Variants in MIGA1 observed in about 807,000 individuals in gnomAD.
The protein encoded by MIGA1 is family with sequence similarity 73, member A.
MIGA1 carries 58 observed loss-of-function variants against 82.0 expected under a neutral mutation model. The observed-to-expected ratio is 0.71, with a 90% confidence interval of 0.57 to 0.88. MIGA1 has a LOEUF of 0.88. Among genes scored for constraint, MIGA1 ranks in the 40% least tolerant of loss-of-function variants. MIGA1 has a pLI of 0.00. For synonymous variants in MIGA1, 249 were observed against 253.6 expected (o/e 0.98, Z 0.17); for missense variants, 751 against 749.1 (o/e 1.00, Z -0.03).
chr1:77,831,323 A>G (rs1684237280), intron 7 of MIGA1, among the ~76,000 whole-genome samples: 1 of 152,188 alleles, frequency 6.6e-6, no homozygotes, highest in Non-Finnish European at 1.5e-5. Context: ...TAAACAAGTA[A>G]TTTTGTAAGC....
intron 7 of MIGA1, among the ~76,000 whole-genome samples, chr1:77,830,060 T>C (rs1684186237): frequency 6.6e-6 from 1 of 152,146 alleles, no homozygotes; most frequent in Non-Finnish European, 1.5e-5. Flanking sequence ...ACTGTGGGGC[T>C]TTTTGAGACT....
At chr1:77,827,245 C>T (rs1332507929) in intron 7 of MIGA1, among the ~76,000 whole-genome samples, 1 of 152,040 alleles carries the variant, frequency 6.6e-6, no homozygotes, top group Non-Finnish European at 1.5e-5. Flanking sequence ...CTGACCTAAA[C>T]TTTTTTTCTT....
chr1:77,861,442 A>T, intron 12 of MIGA1, 120 bp downstream of exon 12: 1 of 671,402 alleles, frequency 1.5e-6, no homozygotes, highest in South Asian at 2.0e-5. Flanking sequence ...GTTGTGGGAC[A>T]TCTTTTTTTC....
intron 7 of MIGA1, among the ~76,000 whole-genome samples, chr1:77,839,305 A>AT (rs951375992): frequency 1.8e-3 from 251 of 142,932 alleles, no homozygotes; most frequent in East Asian, 1.2e-3. Context: ...TGGTTTTAGG[A>AT]TTTTTTTTTT....
At chr1:77,813,652 G>A (rs1683451073) in intron 5 of MIGA1, 82 bp from the exon 6 acceptor site, 1 of 1,438,092 alleles carries the variant, frequency 7.0e-7, no homozygotes, top group Non-Finnish European at 9.7e-7. Context: ...CAGTGATAAT[G>A]TATGAAAACA....
Position 77,872,927 on chromosome 1 carries a change from C to A in MIGA1, c.1564-77C>A, listed in dbSNP as rs543015316. 2.5e-6 allele frequency: 4 copies of A among 1,571,840 alleles called. No homozygotes were observed. In the South Asian group the frequency reaches 4.5e-5, roughly 18 times the overall value. On this transcript the variant is annotated intron_variant, in intron 14 of 15. Transcript: ENST00000370791. ...CTCCCACTGGTCATATAATGAATAG[C>A]AACTTCAGTTTCTGTACTAGAGAAA... is the stretch of plus-strand genomic sequence containing the variant.
intron 8 of MIGA1, among the ~76,000 whole-genome samples, chr1:77,845,012 A>G (rs1684784040): frequency 6.6e-6 from 1 of 152,166 alleles, no homozygotes. Context: ...AGTATTACAC[A>G]TCTATAACTG....
intron 2 of MIGA1, among the ~76,000 whole-genome samples, chr1:77,799,539 A>T (rs1031932652): frequency 1.3e-5 from 2 of 152,178 alleles, no homozygotes; most frequent in Non-Finnish European, 2.9e-5. Context: ...ACGTATCCTC[A>T]TTGTGAAATT....
At chr1:77,788,531 C>G (rs1014297842) in intron 2 of MIGA1, among the ~76,000 whole-genome samples, 1 of 151,742 alleles carries the variant, frequency 6.6e-6, no homozygotes, top group African/African-American at 2.4e-5. Flanking sequence ...TTTTTTGTTG[C>G]CTGTGTCTTC....
intron 5 of MIGA1, among the ~76,000 whole-genome samples, chr1:77,809,422 T>G (rs1683229529): frequency 6.6e-6 from 1 of 152,150 alleles, no homozygotes; most frequent in African/African-American, 2.4e-5. Context: ...CTTTGTGTTA[T>G]ACAACTCTGC....
chr1:77,807,004 C>T lies in MIGA1; in HGVS notation c.540C>T (p.Cys180=), dbSNP rs200550339. ...AGAGTGTCAATTCTTGTCATAGCTG[C>T]GCTTGTGGCAATTCTAATTCCTGGG... Residue 180 remains cysteine, a synonymous_variant, in exon 5 of 16, where the codon TGC becomes TGT. Coordinates refer to ENST00000370791, the MANE Select transcript of MIGA1 (RefSeq NM_198549.4). The T allele has an allele frequency of 2.4e-5, 38 of 1,611,762 alleles. No individual in the cohort carries two copies. Among genetic ancestry groups the T allele is most frequent in the East Asian group, 6.7e-5 (3 of 44,832 alleles).
chr1:77,816,459 C>T (rs933146523), intron 7 of MIGA1, among the ~76,000 whole-genome samples: 2 of 152,112 alleles, frequency 1.3e-5, no homozygotes, highest in African/African-American at 4.8e-5. Flanking sequence ...GTACTGAAAG[C>T]AGCTGAACTT....
At chr1:77,843,574 C>CA (rs1425164607) in intron 8 of MIGA1, among the ~76,000 whole-genome samples, 167 bp downstream of exon 8, 1 of 152,192 alleles carries the variant, frequency 6.6e-6, no homozygotes, top group African/African-American at 2.4e-5. Context: ...TAAGCTCCTA[C>CA]AGGAGCTTAC....
chr1:77,781,491 G>A (rs1681913229), intron 1 of MIGA1, among the ~76,000 whole-genome samples: 1 of 152,106 alleles, frequency 6.6e-6, no homozygotes, highest in African/African-American at 2.4e-5. Flanking sequence ...TATTAAAAAA[G>A]TAATACATGT....
At chr1:77,819,938 C>T (rs984298226) in intron 7 of MIGA1, among the ~76,000 whole-genome samples, 4 of 152,028 alleles carry the variant, frequency 2.6e-5, no homozygotes, top group Non-Finnish European at 4.4e-5. Flanking sequence ...ATAGGACAGA[C>T]GTCTTCCTTG....
intron 8 of MIGA1, among the ~76,000 whole-genome samples, chr1:77,845,745 A>T (rs900642749): frequency 1.3e-5 from 2 of 152,216 alleles, no homozygotes; most frequent in African/African-American, 4.8e-5. Context: ...TAATAGAATC[A>T]GAATGCTTTG....
At chr1:77,813,978 A>G (rs1683476085) in intron 6 of MIGA1, 111 bp downstream of exon 6, 1 of 1,099,884 alleles carries the variant, frequency 9.1e-7, no homozygotes, top group South Asian at 1.6e-5. Flanking sequence ...TGAGTCTTGA[A>G]CTCCTGGGCT....
Position 77,779,677 on chromosome 1 carries a change from C to CCAGG in MIGA1, c.25_28dup (p.Ile10ArgfsTer21). 1 of 1,588,216 alleles carries CCAGG rather than the reference C, an allele frequency of 6.3e-7. No homozygotes were observed. Among genetic ancestry groups the CCAGG allele is most frequent in the South Asian group, 1.2e-5 (1 of 86,926 alleles). On this transcript the variant is annotated frameshift_variant, in exon 1 of 16. It introduces an in-frame stop codon into an upstream open reading frame of the 5' UTR. Transcript: ENST00000370791. LOFTEE classifies it high-confidence loss of function. ...CTCCATGTCAGACTGCTGCTCAGCG[C>CCAGG]CAGGCATCAGCTGGGAAGCTGGCGT...
intron 8 of MIGA1, among the ~76,000 whole-genome samples, chr1:77,844,699 C>G (rs1426947988): frequency 6.6e-6 from 1 of 152,038 alleles, no homozygotes; most frequent in Non-Finnish European, 1.5e-5. Flanking sequence ...TGCATCTGGC[C>G]AGGCACAGTG....
Sources: gnomAD v4.1 joint callset for allele counts (sites outside exome capture counted in the v4.1 genomes callset) on GRCh38, gnomAD v4.1.1 for gene constraint, MANE v1.5 for transcripts, NCBI Gene and HGNC (gene_info 2026-07-23, HGNC 2026-07-21) for gene names.